UBE2E2: variants seen among roughly 807,000 people sequenced by gnomAD.
UBE2E2 encodes the protein ubiquitin conjugating enzyme E2 E2, also known as ubiquitin-conjugating enzyme E2 E2.
UBE2E2 carries 6 observed loss-of-function variants against 24.7 expected under a neutral mutation model. The ratio of observed to expected loss-of-function variants is 0.24; its 90% CI spans 0.13 to 0.48. The LOEUF (loss-of-function observed/expected upper bound fraction) is 0.48. Ranked by LOEUF, UBE2E2 falls within the 20% of genes least tolerant of loss-of-function variation. The pLI is 0.99. For synonymous variants in UBE2E2, 104 were observed against 83.6 expected, an observed-to-expected ratio of 1.24 and a Z score of -1.33; for missense variants, 169 against 245.0, an observed-to-expected ratio of 0.69 and a Z score of 2.07.
chr3:23,475,214 T>A (rs949543905), intron 3 of UBE2E2, among the ~76,000 whole-genome samples: 2 of 151,978 alleles, frequency 1.3e-5, no homozygotes, highest in Admixed American at 6.6e-5. Context: ...CTAACTCCCC[T>A]CCTTTTGCAG....
At chr3:23,236,716 G>A (rs767213669) in intron 3 of UBE2E2, among the ~76,000 whole-genome samples, 7 of 152,092 alleles carry the variant, frequency 4.6e-5, no homozygotes, top group Non-Finnish European at 8.8e-5. Context: ...TACATCTGGA[G>A]AACAGGAAAG....
chr3:23,369,550 A>G (rs937308337), intron 3 of UBE2E2, among the ~76,000 whole-genome samples: 2 of 152,042 alleles, frequency 1.3e-5, no homozygotes, highest in African/African-American at 2.4e-5. Flanking sequence ...CTCTGTTGCT[A>G]TTTCTCACTC....
chr3:23,530,722 C>T (rs569123422), intron 4 of UBE2E2, among the ~76,000 whole-genome samples: 3 of 152,262 alleles, frequency 2.0e-5, no homozygotes, highest in Admixed American at 1.3e-4. Context: ...ACTAGCCATT[C>T]GAGTTTCCTA....
At chr3:23,349,139 G>C (rs191235812) in intron 3 of UBE2E2, among the ~76,000 whole-genome samples, 26 of 152,308 alleles carry the variant, frequency 1.7e-4, no homozygotes, top group Admixed American at 9.2e-4. Flanking sequence ...TACTGGCACA[G>C]CTTGCCTGCT....
intron 3 of UBE2E2, among the ~76,000 whole-genome samples, chr3:23,457,729 T>C (rs1333074900): frequency 6.6e-6 from 1 of 152,222 alleles, no homozygotes; most frequent in East Asian, 1.9e-4. Context: ...TTGCCCAGGC[T>C]GGTCTCAAAC....
Position 23,225,875 on chromosome 3 carries a change from T to G in UBE2E2, c.227+8563T>G, listed in dbSNP as rs1375465815. On this transcript the variant is annotated intron_variant, in intron 3 of 5. Transcript: ENST00000396703. ...GGAGCCATTTTATAGAAGAAAGTGT[T>G]TTTTTTTTTTGTTTTTGTTTTTGAG... Among the ~76,000 whole-genome samples, 3 of 85,754 alleles carry G rather than the reference T, an allele frequency of 3.5e-5. No individual in the cohort carries two copies. The South Asian group carries it at 1.1e-3, about 32-fold the overall frequency. 56.3% of individuals were successfully genotyped at this position (85,754 alleles called of 152,430 possible). A position where few individuals can be genotyped will look rare whatever the true frequency, so the allele number is the denominator to read the frequency against.
intron 5 of UBE2E2, among the ~76,000 whole-genome samples, chr3:23,541,173 T>C (rs1421556136): frequency 1.3e-5 from 2 of 152,238 alleles, no homozygotes; most frequent in African/African-American, 2.4e-5. Flanking sequence ...GTTGTAATTA[T>C]GAAAATTTGA....
intron 5 of UBE2E2, among the ~76,000 whole-genome samples, chr3:23,541,527 T>G (rs1028711372): frequency 2.0e-5 from 3 of 152,354 alleles, no homozygotes; most frequent in Middle Eastern, 3.4e-3. Flanking sequence ...TTGCCTAAAT[T>G]ACTAGCATAT....
intron 3 of UBE2E2, among the ~76,000 whole-genome samples, chr3:23,433,565 T>C (rs1361956798): frequency 5.3e-5 from 8 of 152,014 alleles, no homozygotes; most frequent in African/African-American, 1.9e-4. Flanking sequence ...TCTGATGATA[T>C]CTTATTGGCT....
intron 4 of UBE2E2, among the ~76,000 whole-genome samples, chr3:23,516,232 G>C (rs1252415376): frequency 6.6e-6 from 1 of 151,998 alleles, no homozygotes; most frequent in African/African-American, 2.4e-5. Flanking sequence ...AAATATTAGG[G>C]GGAGAAAGAA....
chr3:23,549,893 C>A (rs1695604854), intron 5 of UBE2E2, among the ~76,000 whole-genome samples: 1 of 151,788 alleles, frequency 6.6e-6, no homozygotes, highest in African/African-American at 2.4e-5. Flanking sequence ...ATTAGCTGAG[C>A]GTGGTGGGAG....
chr3:23,346,727 G>A lies in UBE2E2; in HGVS notation c.227+129415G>A, dbSNP rs796427952. On this transcript the variant is annotated intron_variant, in intron 3 of 5. Transcript: ENST00000396703. Reference sequence around the variant, plus strand: ...AAATGTAGACTTTTCCTTTCTTTTCGGTATGTTCCTTTTACTTTTCTACTC... The same window carrying A: ...AAATGTAGACTTTTCCTTTCTTTTCAGTATGTTCCTTTTACTTTTCTACTC... Among the ~76,000 whole-genome samples the A allele has an allele frequency of 4.6e-5, 7 of 151,912 alleles. No homozygotes were observed. In the East Asian group the frequency reaches 5.8e-4, roughly 13 times the overall value.
intron 3 of UBE2E2, among the ~76,000 whole-genome samples, chr3:23,300,139 G>C (rs1013025682): frequency 6.6e-6 from 1 of 152,180 alleles, no homozygotes; most frequent in African/African-American, 2.4e-5. Context: ...TTGCTTGGTA[G>C]ATCTTCCTCC....
intron 3 of UBE2E2, among the ~76,000 whole-genome samples, chr3:23,423,596 T>A (rs980600504): frequency 6.6e-6 from 1 of 152,200 alleles, no homozygotes; most frequent in African/African-American, 2.4e-5. Flanking sequence ...TTAATTACTT[T>A]ATAACACACT....
chr3:23,220,943 C>G (rs955057626), intron 3 of UBE2E2, among the ~76,000 whole-genome samples: 1 of 152,122 alleles, frequency 6.6e-6, no homozygotes, highest in Non-Finnish European at 1.5e-5. Context: ...CAGCAAATCT[C>G]CAGATAAAAA....
At chr3:23,388,385 C>G (rs141336071) in intron 3 of UBE2E2, among the ~76,000 whole-genome samples, 2 of 152,130 alleles carry the variant, frequency 1.3e-5, no homozygotes, top group African/African-American at 4.8e-5. Flanking sequence ...TGTTTGTTCT[C>G]TTACATCTCT....
intron 3 of UBE2E2, among the ~76,000 whole-genome samples, chr3:23,405,851 C>T (rs1470570618): frequency 1.3e-5 from 2 of 152,146 alleles, no homozygotes; most frequent in Non-Finnish European, 2.9e-5. Context: ...ACCCTTTTAT[C>T]TCCAGTGCAA....
chr3:23,215,665 C>T (rs6784771), intron 2 of UBE2E2, among the ~76,000 whole-genome samples: 90,002 of 151,858 alleles, frequency 0.59, 27,149 homozygotes, highest in South Asian at 0.68. Context: ...TGTTTTGTCT[C>T]GCAGAAATAT....
At chr3:23,291,647 G>C (rs942232368) in intron 3 of UBE2E2, among the ~76,000 whole-genome samples, 2 of 149,140 alleles carry the variant, frequency 1.3e-5, no homozygotes, top group African/African-American at 4.9e-5. Flanking sequence ...AATGTAATCA[G>C]GTTTTTGTAT....
Sources: allele counts gnomAD v4.1 joint callset (sites outside exome capture counted in the v4.1 genomes callset), GRCh38; gene constraint gnomAD v4.1.1; transcripts MANE v1.5; gene names NCBI Gene and HGNC (gene_info 2026-07-23, HGNC 2026-07-21).